Variants in KLRF2 observed in about 807,000 individuals in gnomAD.
The protein encoded by KLRF2 is killer cell lectin like receptor F2, also known as killer cell lectin-like receptor subfamily F member 2.
Under a neutral mutation model 25.3 loss-of-function variants are expected in KLRF2, and 28 were observed. That is an observed-to-expected ratio of 1.11 (90% confidence interval 0.82 to 1.52). The LOEUF is 1.52. Ranked by LOEUF, KLRF2 falls within the 40% of genes most tolerant of loss-of-function variation. KLRF2 has a pLI of 0.00. For missense variants in KLRF2, 265 were observed against 245.8 expected (o/e 1.08, Z -0.52); for synonymous variants, 73 against 85.0 (o/e 0.86, Z 0.78).
At position 9,895,724 on chromosome 12, in the gene KLRF2, G is replaced by C; in HGVS notation, c.515G>C (p.Cys172Ser). The change falls in exon 6 of 6, where the codon TGT (cysteine) becomes TCT (serine). Residue 172 changes from cysteine (C) to serine (S), a missense_variant. By Grantham distance (112) the Cys-to-Ser change is moderately radical. Transcript: ENST00000535540. ...SVIGPTDDRS[C>S]AVITGNWVYS... is the part of the protein sequence containing the mutation. Reference sequence around the variant, plus strand: ...ATTGGACCAACTGATGACAGGAGCTGTGCCGTTATCACAGGAAACTGGGTG... The same window carrying C: ...ATTGGACCAACTGATGACAGGAGCTCTGCCGTTATCACAGGAAACTGGGTG... The C allele has an allele frequency of 6.5e-7, 1 of 1,535,604 alleles. No homozygotes were observed. The highest frequency in any genetic ancestry group is 1.2e-5 in the South Asian group (1 of 83,940).
In KLRF2 at chr12:9,895,781, G is replaced by T. The variant is rs1862749770; in HGVS notation, c.572G>T (p.Gly191Val). The change falls in exon 6 of 6, where the codon GGC (glycine) becomes GTC (valine). Residue 191 changes from glycine (G) to valine (V), a missense_variant. By Grantham distance (109) the Gly-to-Val change is moderately radical. Coordinates refer to ENST00000535540, the MANE Select transcript of KLRF2 (RefSeq NM_001190765.1). ...YSEDCSSTFK[G>V]ICQRDAILTH... ...GAAGACTGTAGCTCCACATTTAAGG[G>T]CATTTGCCAGAGAGATGCGATCTTG... 6 of 1,535,672 alleles carry T rather than the reference G, an allele frequency of 3.9e-6. No individual in the cohort carries two copies. In the Admixed American group the frequency reaches 7.9e-5, roughly 20 times the overall value.
At chr12:9,887,490 TCAAG>T (rs1862612075) in intron 2 of KLRF2, among the ~76,000 whole-genome samples, 1 of 152,152 alleles carries the variant, frequency 6.6e-6, no homozygotes, top group African/African-American at 2.4e-5. Flanking sequence ...ACAAGAGTAA[TCAAG>T]TAAATATTTT....
Position 9,895,812 on chromosome 12 carries a change from C to G in KLRF2, c.603C>G (p.His201Gln), listed in dbSNP as rs1336203971. 1.3e-6 allele frequency: 2 copies of G among 1,534,798 alleles called. No individual in the cohort carries two copies. The highest frequency in any genetic ancestry group is 1.7e-6 in the Non-Finnish European group (2 of 1,146,424). The change falls in exon 6 of 6, where the codon CAC becomes CAG. Residue 201 changes from histidine to glutamine, a missense_variant. By Grantham distance (24) the His-to-Gln change is conservative. Transcript: ENST00000535540. Reference protein sequence around the residue: ...GICQRDAILTHNGTSGV With the variant: ...GICQRDAILTQNGTSGV ...GCCAGAGAGATGCGATCTTGACGCA[C>G]AATGGAACCAGTGGTGTGTAAATGT...
At chr12:9,885,850 A>G (rs918225619) in intron 2 of KLRF2, among the ~76,000 whole-genome samples, 1 of 152,074 alleles carries the variant, frequency 6.6e-6, no homozygotes, top group Non-Finnish European at 1.5e-5. Flanking sequence ...TTAAACGACT[A>G]TTTTTAGTCG....
At position 9,885,390 on chromosome 12, in the gene KLRF2, C is replaced by T. The variant is rs561370080; in HGVS notation, c.169+358C>T. ...AAACCATTTTAGGTAGACTTCCAGA[C>T]TTTTTTCTTCCTGAAGTGGTACTTA... On this transcript the variant is annotated intron_variant, in intron 2 of 5. Transcript: ENST00000535540. Among the ~76,000 whole-genome samples, 14 of 151,644 alleles carry T rather than the reference C, an allele frequency of 9.2e-5. 1 individual carries two copies. The highest frequency in any genetic ancestry group is 1.3e-4 in the Admixed American group (2 of 15,246).
chr12:9,888,054 C>CAAAAA (rs59382110), intron 2 of KLRF2, among the ~76,000 whole-genome samples: 1 of 65,524 alleles, frequency 1.5e-5, no homozygotes, highest in African/African-American at 7.3e-5. Flanking sequence ...GACCCTGTGT[C>CAAAAA]AAAAAAAAAA....
chr12:9,890,767 A>G (rs1182885008), intron 3 of KLRF2, among the ~76,000 whole-genome samples: 1 of 152,206 alleles, frequency 6.6e-6, no homozygotes, highest in Admixed American at 6.5e-5. Flanking sequence ...TAATCATGCA[A>G]GTGATATTTC....
chr12:9,885,791 A>C (rs1312239698), intron 2 of KLRF2, among the ~76,000 whole-genome samples: 1 of 152,048 alleles, frequency 6.6e-6, no homozygotes, highest in Admixed American at 6.5e-5. Context: ...TGCAACATTG[A>C]AATCAATTAC....
Position 9,893,088 on chromosome 12 carries a change from T to C in KLRF2, c.286T>C (p.Phe96Leu). Residue 96 changes from phenylalanine to leucine, a missense_variant, in exon 4 of 6, where the codon TTT becomes CTT. Physicochemically the swap from Phe to Leu is conservative, Grantham distance 22. Transcript: ENST00000535540. ...GAAATGTTACTGGTTTTCAACTTCT[T>C]TTAAAACGTGGAAAGAGAGTCAACG... The part of the protein sequence containing the change: ...EGKCYWFSTS[F>L]KTWKESQRDC... 1 of 1,535,938 alleles carries C rather than the reference T, an allele frequency of 6.5e-7. No individual in the cohort carries two copies.
chr12:9,892,827 A>G (rs1046809470), intron 3 of KLRF2, among the ~76,000 whole-genome samples, 193 bp from the exon 4 acceptor site: 2 of 148,730 alleles, frequency 1.3e-5, no homozygotes, highest in Admixed American at 6.7e-5. Flanking sequence ...CAGGTGATCC[A>G]CCCACCTCAG....
intron 1 of KLRF2, among the ~76,000 whole-genome samples, chr12:9,883,052 G>A (rs1322101988): frequency 1.3e-5 from 2 of 152,132 alleles, no homozygotes; most frequent in Admixed American, 6.5e-5. Context: ...AATGAAGGAA[G>A]GATAGGGCTG....
In KLRF2 at chr12:9,893,485, T is replaced by TA; in HGVS notation, c.424dup (p.Thr142AsnfsTer12). The TA allele has an allele frequency of 2.0e-6, 3 of 1,525,408 alleles. No homozygotes were observed. The South Asian group carries it at 3.6e-5, about 18-fold the overall frequency. 94.5% of individuals were successfully genotyped at this position (1,525,408 alleles called of 1,614,324 possible). A position where few individuals can be genotyped will look rare whatever the true frequency, so the allele number is the denominator to read the frequency against. Reference sequence around the variant, plus strand: ...ATTTTGGTTGGATTGGACTATATGTTACATTCCAAGGGAACCTATGGATGT... The same window carrying TA: ...ATTTTGGTTGGATTGGACTATATGTTAACATTCCAAGGGAACCTATGGATGT... On this transcript the variant is annotated frameshift_variant, in exon 5 of 6. Transcript: ENST00000535540. LOFTEE classifies it high-confidence loss of function.
Position 9,885,003 on chromosome 12 carries a change from T to A in KLRF2, c.140T>A (p.Ile47Asn). The change falls in exon 2 of 6, where the codon ATT (isoleucine) becomes AAT (asparagine). Residue 47 changes from isoleucine (I) to asparagine (N), a missense_variant. Transcript: ENST00000535540. ...GGATGCATTGTGATCCTTATATTCA[T>A]TATGACAGGGATTGACCTGAAGTTC... ...IFGCIVILIF[I>N]MTGIDLKFWH... 7.6e-7 allele frequency: 1 copy of A among 1,321,926 alleles called. No individual in the cohort carries two copies. The highest frequency in any genetic ancestry group is 9.7e-7 in the Non-Finnish European group (1 of 1,028,440). 81.9% of individuals were successfully genotyped at this position (1,321,926 alleles called of 1,614,324 possible).
chr12:9,889,304 C>T (rs969963907), intron 3 of KLRF2, among the ~76,000 whole-genome samples: 5 of 152,148 alleles, frequency 3.3e-5, no homozygotes, highest in Non-Finnish European at 5.9e-5. Context: ...GTCAACTTGG[C>T]TAGGCCACCA....
At chr12:9,884,846 G>T in intron 1 of KLRF2, 88 bp from the exon 2 acceptor site, 2 of 434,936 alleles carry the variant, frequency 4.6e-6, no homozygotes, top group South Asian at 9.7e-5. Context: ...TATCTAAAAT[G>T]AACATGAGTT....
intron 2 of KLRF2, among the ~76,000 whole-genome samples, chr12:9,887,195 C>G (rs1040749136): frequency 6.6e-6 from 1 of 151,408 alleles, no homozygotes; most frequent in Non-Finnish European, 1.5e-5. Context: ...AAAGCAAAAC[C>G]AAAAAACATG....
chr12:9,892,438 T>C (rs936256381), intron 3 of KLRF2, among the ~76,000 whole-genome samples: 3 of 152,284 alleles, frequency 2.0e-5, no homozygotes, highest in South Asian at 4.1e-4. Flanking sequence ...GGTAATTAAC[T>C]GTCAAAAATG....
intron 2 of KLRF2, among the ~76,000 whole-genome samples, chr12:9,887,925 G>C (rs1460845152): frequency 6.6e-6 from 1 of 151,282 alleles, no homozygotes; most frequent in Non-Finnish European, 1.5e-5. Context: ...GTGTGGAAGT[G>C]TGCGCCTGTA....
intron 2 of KLRF2, among the ~76,000 whole-genome samples, chr12:9,888,164 C>T (rs1862623635): frequency 7.1e-6 from 1 of 141,192 alleles, no homozygotes; most frequent in Admixed American, 7.0e-5. Context: ...AAAAATGTAA[C>T]ATCATACATG....
Sources: allele counts gnomAD v4.1 joint callset (sites outside exome capture counted in the v4.1 genomes callset), GRCh38; gene constraint gnomAD v4.1.1; transcripts MANE v1.5; gene names NCBI Gene and HGNC (gene_info 2026-07-23, HGNC 2026-07-21).